ZNF782: variants seen among roughly 807,000 people sequenced by gnomAD.
The protein encoded by ZNF782 is zinc finger protein 782.
A neutral mutation model predicts 13.0 loss-of-function variants in ZNF782; 12 were observed. The ratio of observed to expected loss-of-function variants is 0.92; its 90% CI spans 0.59 to 1.50. The LOEUF (loss-of-function observed/expected upper bound fraction) is 1.50. Among genes scored for constraint, ZNF782 ranks in the 40% most tolerant of loss-of-function variants. The pLI is 0.00. For missense variants in ZNF782, 770 were observed against 822.9 expected (o/e 0.94, Z 0.79); for synonymous variants, 284 against 283.0 (o/e 1.00, Z -0.04).
chr9:96,833,218 T>C (rs1053534608), intron 4 of ZNF782, among the ~76,000 whole-genome samples: 2 of 152,206 alleles, frequency 1.3e-5, no homozygotes, highest in Non-Finnish European at 2.9e-5. Context: ...ACCAGTTTTC[T>C]CATATAACAT....
Position 96,844,992 on chromosome 9 carries a change from T to C in ZNF782, c.40A>G (p.Thr14Ala). 1 of 1,613,990 alleles carries C rather than the reference T, an allele frequency of 6.2e-7. No individual in the cohort carries two copies. Among genetic ancestry groups the C allele is most frequent in the Non-Finnish European group, 8.5e-7 (1 of 1,179,918 alleles). Reference protein sequence around the residue: ...FQASVSFQDVTVEFSQEEWQH... With the variant: ...FQASVSFQDVAVEFSQEEWQH... Reference sequence around the variant, plus strand: ...CACTCCTCCTGGCTGAATTCCACAGTCACGTCCTGGAATGACACTGATGCC... The same window carrying C: ...CACTCCTCCTGGCTGAATTCCACAGCCACGTCCTGGAATGACACTGATGCC... The change falls in exon 4 of 6, where the codon ACT (threonine) becomes GCT (alanine). Residue 14 changes from threonine (T) to alanine (A), a missense_variant. Thr to Ala is a moderately conservative substitution (Grantham distance 58). Coordinates refer to ENST00000481138, the MANE Select transcript of ZNF782 (RefSeq NM_001001662.3).
the ZNF782 span, among the ~76,000 whole-genome samples, chr9:96,923,417 TCCC>T: frequency 6.8e-6 from 1 of 146,048 alleles, no homozygotes; most frequent in Non-Finnish European, 1.5e-5. Context: ...ATTCTACCAG[TCCC>T]CCAATAGTCA....
At chr9:96,894,778 A>C in the ZNF782 span, 1 of 152,094 alleles carries the variant, frequency 6.6e-6, no homozygotes, top group Non-Finnish European at 1.5e-5. Context: ...CCCAGGCTGG[A>C]GTGCAGTGGT....
the ZNF782 span, chr9:96,894,708 G>T: frequency 1.3e-5 from 2 of 152,048 alleles, no homozygotes; most frequent in Non-Finnish European, 1.5e-5. Flanking sequence ...TCTTTAACAA[G>T]AGGACATGCT....
At chr9:96,866,300 G>T (rs1851753504) in intron 1 of ZNF782, among the ~76,000 whole-genome samples, 1 of 152,196 alleles carries the variant, frequency 6.6e-6, no homozygotes, top group Non-Finnish European at 1.5e-5. Context: ...GGCGCCCTGT[G>T]TCCCAGCTGC....
chr9:96,819,316 G>A lies in ZNF782; in HGVS notation c.707C>T (p.Thr236Ile), dbSNP rs769824613. The A allele has an allele frequency of 6.2e-7, 1 of 1,610,926 alleles. No homozygotes were observed. Among genetic ancestry groups the A allele is most frequent in the East Asian group, 2.2e-5 (1 of 44,870 alleles). ...EKAALVTSNS[T>I]HPKGKSYNFN... is the part of the protein sequence containing the mutation. Reference sequence around the variant, plus strand: ...ATTGTAAGATTTTCCTTTTGGGTGGGTACTGTTAGATGTAACAAGGGCAGC... The same window carrying A: ...ATTGTAAGATTTTCCTTTTGGGTGGATACTGTTAGATGTAACAAGGGCAGC... The change falls in exon 6 of 6, where the codon ACC becomes ATC. Residue 236 changes from threonine (T) to isoleucine (I), a missense_variant. Transcript: ENST00000481138.
At chr9:96,836,925 T>C (rs1048749861) in intron 4 of ZNF782, among the ~76,000 whole-genome samples, 2 of 152,124 alleles carry the variant, frequency 1.3e-5, no homozygotes, top group African/African-American at 4.8e-5. Flanking sequence ...CCCTTCCACT[T>C]CCCACCATAA....
At chr9:96,899,726 A>T in the ZNF782 span, among the ~76,000 whole-genome samples, 1 of 152,216 alleles carries the variant, frequency 6.6e-6, no homozygotes, top group Non-Finnish European at 1.5e-5. Context: ...GCTAGATGGT[A>T]AACCTCCAAC....
At chr9:96,866,432 G>T (rs1429007031) in intron 1 of ZNF782, among the ~76,000 whole-genome samples, 1 of 152,202 alleles carries the variant, frequency 6.6e-6, no homozygotes, top group Non-Finnish European at 1.5e-5. Flanking sequence ...GTCAAGAATT[G>T]AAGTTTGGGA....
At position 96,818,099 on chromosome 9, in the gene ZNF782, C is replaced by T. The variant is rs566491974; in HGVS notation, c.1924G>A (p.Gly642Arg). The change falls in exon 6 of 6, where the codon GGG becomes AGG. Residue 642 changes from glycine to arginine, a missense_variant. By Grantham distance (125) the Gly-to-Arg change is moderately radical (BLOSUM62 -2). Transcript: ENST00000481138. ...TGATTACAATTATATGGTTTCTCCC[C>T]GGTGTGAGTTCGCTGATGTTTTCTT... is the stretch of plus-strand genomic sequence containing the variant. ...VLRKHQRTHT[G>R]EKPYNCNQCG... 22 of 1,613,796 alleles carry T rather than the reference C, an allele frequency of 1.4e-5. No individual in the cohort carries two copies. The highest frequency in any genetic ancestry group is 5.5e-5 in the South Asian group (5 of 91,040).
intron 4 of ZNF782, among the ~76,000 whole-genome samples, chr9:96,839,119 C>G (rs76337772): frequency 1.6e-4 from 24 of 152,092 alleles, no homozygotes; most frequent in Non-Finnish European, 2.8e-4. Flanking sequence ...CTCTGATACT[C>G]TAGAACCAGG....
At chr9:96,861,599 A>G (rs902093588) in exon 2 of ZNF782, 12 of 154,172 alleles carry the variant, frequency 7.8e-5, no homozygotes, top group Admixed American at 7.2e-4. Context: ...TGACAAAGTG[A>G]GATCCTGTTT....
the ZNF782 span, among the ~76,000 whole-genome samples, chr9:96,885,831 C>CTCTT: frequency 4.6e-5 from 7 of 151,618 alleles, no homozygotes; most frequent in South Asian, 8.3e-4. Context: ...TCCTTCCTTC[C>CTCTT]TCTTTCTTTC....
chr9:96,912,343 G>C, the ZNF782 span, among the ~76,000 whole-genome samples: 1 of 147,472 alleles, frequency 6.8e-6, no homozygotes, highest in African/African-American at 2.5e-5. Context: ...TGGCCAACAT[G>C]GCGAAACCCC....
chr9:96,916,217 C>T, the ZNF782 span, among the ~76,000 whole-genome samples: 1,172 of 151,954 alleles, frequency 7.7e-3, 8 homozygotes, highest in African/African-American at 0.027. Flanking sequence ...TCTGGCCTGG[C>T]GCAATGGCTC....
intron 1 of ZNF782, among the ~76,000 whole-genome samples, chr9:96,869,696 T>C (rs1462393299): frequency 2.0e-5 from 3 of 152,218 alleles, no homozygotes; most frequent in Non-Finnish European, 4.4e-5. Context: ...ACATTTAAAA[T>C]AGGCATTTTC....
intron 1 of ZNF782, among the ~76,000 whole-genome samples, chr9:96,863,076 C>A (rs1851720995): frequency 6.6e-6 from 1 of 152,248 alleles, no homozygotes; most frequent in South Asian, 2.1e-4. Context: ...TAGCAATGTT[C>A]ATGATCTTTG....
the ZNF782 span, among the ~76,000 whole-genome samples, chr9:96,907,457 T>TATGCTTAAAAATGGTTACGAA: frequency 6.6e-6 from 1 of 152,288 alleles, no homozygotes; most frequent in Non-Finnish European, 1.5e-5. Context: ...TACTGAACTG[T>TATGCTTAAAAATGGTTACGAA]ATGCTTAAAA....
At chr9:96,908,175 T>G in the ZNF782 span, among the ~76,000 whole-genome samples, 1 of 151,740 alleles carries the variant, frequency 6.6e-6, no homozygotes, top group Admixed American at 6.5e-5. Flanking sequence ...AATAAATGGT[T>G]TTTTTTGTTT....
Sources: allele counts gnomAD v4.1 joint callset (sites outside exome capture counted in the v4.1 genomes callset), GRCh38; gene constraint gnomAD v4.1.1; transcripts MANE v1.5; gene names NCBI Gene and HGNC (gene_info 2026-07-23, HGNC 2026-07-21).